TBCE: variants seen among roughly 807,000 people sequenced by gnomAD.
TBCE encodes tubulin-specific chaperone E.
A neutral mutation model predicts 77.0 loss-of-function variants in TBCE; 53 were observed. That is an observed-to-expected ratio of 0.69 (90% CI 0.55 to 0.87). The LOEUF is 0.87. Among genes scored for constraint, TBCE ranks in the 40% least tolerant of loss-of-function variants. TBCE has a pLI of 0.00. For synonymous variants in TBCE, 235 were observed against 241.3 expected (o/e 0.97, Z 0.24); for missense variants, 624 against 622.4 (o/e 1.00, Z -0.03).
chr1:235,386,684 CTAGT>C (rs2102826401), intron 2 of TBCE, among the ~76,000 whole-genome samples: 1 of 152,212 alleles, frequency 6.6e-6, no homozygotes, highest in Non-Finnish European at 1.5e-5. Flanking sequence ...ATTGGTTATT[CTAGT>C]TATACATTCG....
In TBCE at chr1:235,436,118, A is replaced by G. The variant is rs183139947; in HGVS notation, c.834-268A>G. The stretch of plus-strand genomic sequence containing the variant: ...AGTCTTCATTCATTAAACTCCGGGC[A>G]GTAGACCGTGTCTCTTTCCTCTGAG... On this transcript the variant is annotated intron_variant, in intron 9 of 16. Coordinates refer to ENST00000642610, the MANE Select transcript of TBCE (RefSeq NM_003193.5). 48 of 601,544 alleles carry G rather than the reference A, an allele frequency of 8.0e-5. No individual in the cohort carries two copies. The East Asian group carries it at 1.2e-3, about 15-fold the overall frequency. The allele number at this position is 601,544 out of a possible 1,614,324, so 37.3% of individuals were successfully genotyped here. A position where few individuals can be genotyped will look rare whatever the true frequency, so the allele number is the denominator to read the frequency against.
chr1:235,412,164 TCCCCC>T (rs1491522400), intron 3 of TBCE, among the ~76,000 whole-genome samples: 4 of 2,636 alleles, frequency 1.5e-3, no homozygotes, highest in South Asian at 0.016. Flanking sequence ...CCCCTCCCCT[TCCCCC>T]CTCCCCTCCC....
intron 7 of TBCE, chr1:235,433,898 T>C: frequency 2.6e-6 from 1 of 379,240 alleles, no homozygotes; most frequent in Non-Finnish European, 4.8e-6. Flanking sequence ...CAAATAATAA[T>C]ATGTGCAGTT....
At chr1:235,410,721 G>A (rs1180201279) in intron 3 of TBCE, among the ~76,000 whole-genome samples, 1 of 152,074 alleles carries the variant, frequency 6.6e-6, no homozygotes, top group Admixed American at 6.6e-5. Flanking sequence ...TCCCTTTTAC[G>A]AGAGAACCCT....
At chr1:235,381,753 A>AAAGTGCAG (rs1472245370) in intron 2 of TBCE, among the ~76,000 whole-genome samples, 1 of 150,712 alleles carries the variant, frequency 6.6e-6, no homozygotes, top group East Asian at 1.9e-4. Flanking sequence ...TTATTTGTAT[A>AAAGTGCAG]AAGTGCAGCA....
At chr1:235,408,089 G>A (rs1343448119) in intron 3 of TBCE, among the ~76,000 whole-genome samples, 2 of 152,140 alleles carry the variant, frequency 1.3e-5, no homozygotes, top group African/African-American at 4.8e-5. Flanking sequence ...CAGAGAGGTC[G>A]TGCTGTTCCA....
Position 235,419,702 on chromosome 1 carries a change from G to A in TBCE, c.460+141G>A, listed in dbSNP as rs545404396. 8.9e-5 allele frequency: 106 copies of A among 1,190,576 alleles called. No individual in the cohort carries two copies. In the South Asian group the frequency reaches 1.3e-3, roughly 15 times the overall value. 73.8% of individuals were successfully genotyped at this position (1,190,576 alleles called of 1,614,324 possible). A position where few individuals can be genotyped will look rare whatever the true frequency, so the allele number is the denominator to read the frequency against. On this transcript the variant is annotated intron_variant, in intron 5 of 16. Coordinates refer to ENST00000642610, the MANE Select transcript of TBCE (RefSeq NM_003193.5). ...GTTCAGTTTTGCTTGGTGTAGTTGG[G>A]GCCCAGATAAATTATTTACCTTCCC... is the stretch of plus-strand genomic sequence containing the variant.
At chr1:235,383,742 T>C (rs897884052) in intron 2 of TBCE, among the ~76,000 whole-genome samples, 4 of 152,206 alleles carry the variant, frequency 2.6e-5, no homozygotes, top group African/African-American at 9.7e-5. Context: ...TTTCTAGATA[T>C]ACAATCATGT....
intron 5 of TBCE, among the ~76,000 whole-genome samples, 172 bp downstream of exon 5, chr1:235,419,733 C>T (rs763967214): frequency 2.0e-5 from 3 of 152,140 alleles, no homozygotes; most frequent in Non-Finnish European, 4.4e-5. Context: ...TTCCCAGACC[C>T]CTTTGCTTGC....
intron 2 of TBCE, among the ~76,000 whole-genome samples, chr1:235,395,915 T>C (rs1443581680): frequency 6.6e-6 from 1 of 152,050 alleles, no homozygotes; most frequent in South Asian, 2.1e-4. Flanking sequence ...AGTGAGAACA[T>C]GTGAGGTTTG....
At chr1:235,373,030 G>A (rs1391466037) in intron 1 of TBCE, among the ~76,000 whole-genome samples, 2 of 150,858 alleles carry the variant, frequency 1.3e-5, no homozygotes, top group Non-Finnish European at 3.0e-5. Context: ...ATAGAAAAAT[G>A]TTTATGGACA....
chr1:235,393,608 G>GT (rs11303548), intron 2 of TBCE, among the ~76,000 whole-genome samples: 13 of 151,518 alleles, frequency 8.6e-5, no homozygotes, highest in South Asian at 8.3e-4. Context: ...AGTTTTAAAT[G>GT]TTTTTTTTTC....
chr1:235,377,970 T>TA lies in TBCE; in HGVS notation c.-31-2041dup, dbSNP rs922239131. On this transcript the variant is annotated intron_variant, in intron 1 of 16. Coordinates refer to ENST00000642610, the MANE Select transcript of TBCE (RefSeq NM_003193.5). The stretch of plus-strand genomic sequence containing the variant: ...CCCTTCCATCTACCTGTTCTTAAAA[T>TA]AAAAAAAACCCATAAAGGTGGAGAG... Among the ~76,000 whole-genome samples the TA allele has an allele frequency of 2.1e-3, 319 of 151,164 alleles. 3 individuals are homozygous for TA. Among genetic ancestry groups the TA allele is most frequent in the Non-Finnish European group, 6.4e-4 (43 of 67,698 alleles).
intron 5 of TBCE, among the ~76,000 whole-genome samples, chr1:235,422,964 C>T (rs1258689859): frequency 6.6e-6 from 1 of 152,172 alleles, no homozygotes; most frequent in East Asian, 1.9e-4. Context: ...AAATGTCCCC[C>T]AGGACACGAA....
chr1:235,418,916 C>T (rs1262452314), intron 4 of TBCE, among the ~76,000 whole-genome samples: 1 of 152,084 alleles, frequency 6.6e-6, no homozygotes, highest in Non-Finnish European at 1.5e-5. Flanking sequence ...AGTATAAGGC[C>T]CTGGGGAGGG....
At chr1:235,419,389 T>A (rs1680268386) in intron 4 of TBCE, 84 bp from the exon 5 acceptor site, 1 of 1,594,868 alleles carries the variant, frequency 6.3e-7, no homozygotes, top group African/African-American at 1.3e-5. Flanking sequence ...CCCTTTTATA[T>A]GTCTGAAATG....
intron 7 of TBCE, chr1:235,432,824 C>T: frequency 2.9e-6 from 1 of 350,802 alleles, no homozygotes; most frequent in Non-Finnish European, 4.2e-6. Context: ...GAGTTCAAGA[C>T]CCACCTAGGC....
chr1:235,373,108 A>T lies in TBCE; in HGVS notation c.-32+5604A>T, dbSNP rs1677074613. 2.6e-5 allele frequency among the ~76,000 whole-genome samples: 4 copies of T among 151,898 alleles called. No homozygotes were observed. The South Asian group carries it at 8.3e-4, about 32-fold the overall frequency. ...CAGCACTTTGGGAATCCTCAGGAGG[A>T]TTGCTTGAGCCCAGGAGTTAAAGAC... On this transcript the variant is annotated intron_variant, in intron 1 of 16. Coordinates refer to ENST00000642610, the MANE Select transcript of TBCE (RefSeq NM_003193.5).
At chr1:235,370,161 A>G (rs1572295463) in intron 1 of TBCE, among the ~76,000 whole-genome samples, 1 of 151,916 alleles carries the variant, frequency 6.6e-6, no homozygotes, top group East Asian at 1.9e-4. Context: ...GCCATGTGAT[A>G]GAGTCATTTA....
Sources: gnomAD v4.1 joint callset for allele counts (sites outside exome capture counted in the v4.1 genomes callset) on GRCh38, gnomAD v4.1.1 for gene constraint, MANE v1.5 for transcripts, NCBI Gene and HGNC (gene_info 2026-07-23, HGNC 2026-07-21) for gene names.